GSE1: variants seen among roughly 807,000 people sequenced by gnomAD.
GSE1 encodes genetic suppressor element 1.
A neutral mutation model predicts 112.6 loss-of-function variants in GSE1; 32 were observed. The ratio of observed to expected loss-of-function variants is 0.28; its 90% CI spans 0.21 to 0.38. The LOEUF is 0.38. Among genes scored for constraint, GSE1 ranks in the 10% least tolerant of loss-of-function variants. The pLI is 1.00. For synonymous variants in GSE1, 1,115 were observed against 735.6 expected (o/e 1.52, Z -8.35); for missense variants, 2,348 against 1,699.2 (o/e 1.38, Z -6.71).
rs371741991 is a variant in GSE1, at chr16:85,663,113, A to G, written c.2373+20A>G. On this transcript the variant is annotated intron_variant, in intron 10 of 15. Transcript: ENST00000253458. ...TCTGAGGTACTGGGCTCTCCTCCCC[A>G]CGGACATGCTCTGGGCTGGGCTCTC... 35 of 1,508,270 alleles carry G rather than the reference A, an allele frequency of 2.3e-5. No individual in the cohort carries two copies. The highest frequency in any genetic ancestry group is 3.2e-5 in the Non-Finnish European group (35 of 1,086,570). The allele number at this position is 1,508,270 out of a possible 1,614,324, so 93.4% of individuals were successfully genotyped here.
chr16:85,486,228 C>T (rs183129191), intron 2 of GSE1, among the ~76,000 whole-genome samples: 186 of 152,334 alleles, frequency 1.2e-3, no homozygotes, highest in African/African-American at 3.6e-3. Flanking sequence ...ACACATAACA[C>T]GCTTGCACAC....
chr16:85,654,926 C>T lies in GSE1; in HGVS notation c.732C>T (p.Ala244=), dbSNP rs1247191745. The T allele has an allele frequency of 1.2e-6, 2 of 1,611,428 alleles. No individual in the cohort carries two copies. Among genetic ancestry groups the T allele is most frequent in the East Asian group, 4.5e-5 (2 of 44,864 alleles). Residue 244 remains alanine, a synonymous_variant, in exon 5 of 16, where the codon GCC becomes GCT. Transcript: ENST00000253458. Reference sequence around the variant, plus strand: ...TGCCTCCCCTCGGCCTGGACCCGGCCACTGCTGCAGCCTACTACCACCCCA... The same window carrying T: ...TGCCTCCCCTCGGCCTGGACCCGGCTACTGCTGCAGCCTACTACCACCCCA... The part of the protein sequence containing the change: ...SSLPPLGLDP[A]TAAAYYHPSY...
chr16:85,585,690 C>G (rs551167206), intron 1 of GSE1, among the ~76,000 whole-genome samples: 2 of 152,354 alleles, frequency 1.3e-5, no homozygotes, highest in African/African-American at 4.8e-5. Context: ...TGGCCATGGG[C>G]AAGTGCCGTC....
intron 2 of GSE1, among the ~76,000 whole-genome samples, chr16:85,403,945 TG>T (rs1290421567): frequency 6.6e-6 from 1 of 152,176 alleles, no homozygotes; most frequent in African/African-American, 2.4e-5. Flanking sequence ...CTGGGGACTC[TG>T]GCTTCCAGGG....
intron 1 of GSE1, among the ~76,000 whole-genome samples, chr16:85,282,031 CTT>C (rs747822787): frequency 1.5e-4 from 22 of 142,694 alleles, no homozygotes; most frequent in Non-Finnish European, 1.4e-4. Context: ...GTTTTCTTTT[CTT>C]TTTTTTTTTT....
rs372516330 is a variant in GSE1, at chr16:85,633,963, G to A, written c.57G>A (p.Ala19=). The A allele has an allele frequency of 5.5e-5, 89 of 1,613,038 alleles. No individual in the cohort carries two copies. The highest frequency in any genetic ancestry group is 3.0e-4 in the Admixed American group (18 of 59,970). The part of the protein sequence containing the change: ...KSPSLGMLST[A]TRTTATVNPL... ...CTTCGCTAGGGATGCTTTCCACCGC[G>A]ACCAGGACCACCGCCACCGTCAACC... The change falls in exon 2 of 16, where the codon GCG becomes GCA. Residue 19 remains alanine (A), a synonymous_variant. Coordinates refer to ENST00000253458, the MANE Select transcript of GSE1 (RefSeq NM_014615.5).
intron 1 of GSE1, among the ~76,000 whole-genome samples, chr16:85,631,147 G>C (rs1297304881): frequency 2.0e-5 from 3 of 152,186 alleles, no homozygotes; most frequent in African/African-American, 7.2e-5. Flanking sequence ...TGTGAGGGTG[G>C]GGCTCTGTCC....
At chr16:85,527,071 C>G (rs115142332) in intron 2 of GSE1, among the ~76,000 whole-genome samples, 5 of 152,354 alleles carry the variant, frequency 3.3e-5, no homozygotes, top group African/African-American at 9.6e-5. Context: ...TTCACCTCTC[C>G]GGTCAGGATG....
chr16:85,668,824 G>T (rs896772888), intron 14 of GSE1, among the ~76,000 whole-genome samples: 12 of 152,224 alleles, frequency 7.9e-5, no homozygotes, highest in African/African-American at 4.8e-5. Flanking sequence ...CCTAGTGACA[G>T]ACTCCCCACA....
chr16:85,499,996 A>G (rs1384956406), intron 2 of GSE1, among the ~76,000 whole-genome samples: 1 of 152,262 alleles, frequency 6.6e-6, no homozygotes, highest in Non-Finnish European at 1.5e-5. Flanking sequence ...AAAGCAAGTC[A>G]TAGCAAACAG....
At chr16:85,634,953 G>A (rs1282832692) in intron 2 of GSE1, among the ~76,000 whole-genome samples, 7 of 126,762 alleles carry the variant, frequency 5.5e-5, no homozygotes, top group East Asian at 1.9e-4. Flanking sequence ...GCTGACAGGC[G>A]GGGGGGCTGA....
intron 2 of GSE1, among the ~76,000 whole-genome samples, chr16:85,426,056 T>TGGATGGATGGAAGGAA (rs1555510017): frequency 1.4e-5 from 2 of 144,020 alleles, no homozygotes; most frequent in Admixed American, 1.4e-4. Context: ...GATGGATGGA[T>TGGATGGATGGAAGGAA]GGATGGATGG....
chr16:85,504,518 G>T (rs2051473692), intron 2 of GSE1, among the ~76,000 whole-genome samples: 1 of 152,206 alleles, frequency 6.6e-6, no homozygotes, highest in South Asian at 2.1e-4. Context: ...GTAGCATACG[G>T]TTAGTGTGAA....
chr16:85,562,447 C>T (rs1403956180), intron 1 of GSE1, among the ~76,000 whole-genome samples: 4 of 152,104 alleles, frequency 2.6e-5, no homozygotes, highest in African/African-American at 9.7e-5. Context: ...TGATATAGTC[C>T]CGCTGGAAAC....
At chr16:85,260,832 T>TGAGC (rs1046322587) in intron 1 of GSE1, among the ~76,000 whole-genome samples, 28 of 152,240 alleles carry the variant, frequency 1.8e-4, no homozygotes, top group Admixed American at 5.2e-4. Context: ...TCTGCAGTGA[T>TGAGC]GAGCGCATGG....
At chr16:85,173,254 G>A (rs1285758102) in intron 1 of GSE1, among the ~76,000 whole-genome samples, 4 of 152,244 alleles carry the variant, frequency 2.6e-5, no homozygotes, top group Admixed American at 6.5e-5. Flanking sequence ...CCAAGACTCA[G>A]ATAAGTCAGA....
chr16:85,362,650 C>T (rs1050411070), intron 2 of GSE1, among the ~76,000 whole-genome samples: 2 of 152,106 alleles, frequency 1.3e-5, no homozygotes, highest in African/African-American at 4.8e-5. Context: ...CAAGGCTGTG[C>T]AGGTTGCACA....
At chr16:85,221,101 G>A (rs1208621517) in intron 1 of GSE1, among the ~76,000 whole-genome samples, 1 of 151,934 alleles carries the variant, frequency 6.6e-6, no homozygotes, top group African/African-American at 2.4e-5. Context: ...TCCTGGAGTC[G>A]ACCAGACCTC....
intron 1 of GSE1, among the ~76,000 whole-genome samples, chr16:85,272,148 C>T (rs915829921): frequency 1.3e-5 from 2 of 152,198 alleles, no homozygotes; most frequent in Admixed American, 6.5e-5. Context: ...CACGCAGGCC[C>T]GAGGAAGCCT....
Sources: gnomAD v4.1 joint callset for allele counts (sites outside exome capture counted in the v4.1 genomes callset) on GRCh38, gnomAD v4.1.1 for gene constraint, MANE v1.5 for transcripts, NCBI Gene and HGNC (gene_info 2026-07-23, HGNC 2026-07-21) for gene names.